The following GSPT1 variants were observed in gnomAD, a reference collection of about 807,000 sequenced individuals.
GSPT1 encodes the protein G1 to S phase transition 1, also known as eukaryotic peptide chain release factor GTP-binding subunit ERF3A.
GSPT1 carries 20 observed loss-of-function variants against 72.5 expected under a neutral mutation model. The ratio of observed to expected loss-of-function variants is 0.28; its 90% CI spans 0.19 to 0.40. The LOEUF is 0.40. GSPT1 is among the 10% of genes least tolerant of loss of function. GSPT1 has a pLI of 1.00. For synonymous variants in GSPT1, 334 were observed against 293.5 expected, an observed-to-expected ratio of 1.14 and a Z score of -1.41; for missense variants, 580 against 811.9, an observed-to-expected ratio of 0.71 and a Z score of 3.47.
At chr16:11,916,298 G>C (rs1025549207), upstream of GSPT1, among the ~76,000 whole-genome samples, 29 of 152,354 alleles carry the variant, frequency 1.9e-4, no homozygotes, top group African/African-American at 6.7e-4. Context: ...GGCAGGCCCT[G>C]GTTGGTGCAG....
intron 1 of GSPT1, among the ~76,000 whole-genome samples, chr16:11,902,366 G>A (rs118025509): frequency 0.027 from 3,382 of 125,900 alleles, 155 homozygotes; most frequent in Admixed American, 0.14. Flanking sequence ...TGGGTGACAC[G>A]ACTCTGTCTC....
In GSPT1 at chr16:11,886,778, T is replaced by G; in HGVS notation, c.1111A>C (p.Arg371=). 1 of 1,613,070 alleles carries G rather than the reference T, an allele frequency of 6.2e-7. No individual in the cohort carries two copies. Among genetic ancestry groups the G allele is most frequent in the Non-Finnish European group, 8.5e-7 (1 of 1,179,160 alleles). ...DDPTVNWSNE[R]YEECKEKLVP... ...AAAATACCAGACATCTACGCTCACC[T>G]CTCATTGCTCCAATTTACTGTTGGA... Residue 371 remains arginine, a splice_region_variant and synonymous_variant, in exon 8 of 15, where the codon AGA becomes CGA. Coordinates refer to ENST00000434724, the MANE Select transcript of GSPT1 (RefSeq NM_002094.4).
intron 5 of GSPT1, among the ~76,000 whole-genome samples, chr16:11,892,531 A>AAAAAT (rs1567443313): frequency 1.6e-4 from 22 of 139,938 alleles, no homozygotes; most frequent in African/African-American, 6.0e-4. Flanking sequence ...AACAAAAAAA[A>AAAAAT]CAAAAAATAA....
chr16:11,893,718 G>C (rs1051304257), intron 5 of GSPT1, among the ~76,000 whole-genome samples: 1 of 152,038 alleles, frequency 6.6e-6, no homozygotes, highest in African/African-American at 2.4e-5. Context: ...CAGCCCATCA[G>C]CAAAAAATAT....
chr16:11,884,781 A>T (rs1397042100), intron 10 of GSPT1, among the ~76,000 whole-genome samples: 5 of 124,298 alleles, frequency 4.0e-5, no homozygotes, highest in African/African-American at 1.6e-4. Context: ...AAAAAAAAAA[A>T]GAAGGCCAGG....
chr16:11,879,809 A>G (rs1403636597), intron 11 of GSPT1, among the ~76,000 whole-genome samples: 1 of 152,186 alleles, frequency 6.6e-6, no homozygotes, highest in African/African-American at 2.4e-5. Context: ...ATAAAATATC[A>G]AAGTAAAAAA....
chr16:11,876,501 G>A (rs995669500), intron 12 of GSPT1, among the ~76,000 whole-genome samples: 3 of 152,126 alleles, frequency 2.0e-5, no homozygotes, highest in Admixed American at 6.6e-5. Context: ...AGGCCGAGGC[G>A]GCAGGGGGGC....
chr16:11,904,676 T>C (rs2054466561), intron 1 of GSPT1, among the ~76,000 whole-genome samples: 1 of 152,032 alleles, frequency 6.6e-6, no homozygotes, highest in Non-Finnish European at 1.5e-5. Context: ...AAAAAAAAGC[T>C]ACGTTTTGAT....
At chr16:11,896,032 AT>A (rs1050011536) in intron 4 of GSPT1, among the ~76,000 whole-genome samples, 15 of 152,096 alleles carry the variant, frequency 9.9e-5, no homozygotes, top group South Asian at 2.1e-4. Flanking sequence ...ATAATTCTGT[AT>A]TTTTTTTCTC....
At chr16:11,907,360 T>C (rs1567451706) in intron 1 of GSPT1, among the ~76,000 whole-genome samples, 1 of 152,220 alleles carries the variant, frequency 6.6e-6, no homozygotes, top group African/African-American at 2.4e-5. Context: ...ACCTAAGTTA[T>C]TTAGCTTTAC....
intron 1 of GSPT1, 93 bp downstream of exon 1, chr16:11,915,276 C>A (rs1227724495): frequency 4.4e-5 from 53 of 1,217,470 alleles, no homozygotes; most frequent in Non-Finnish European, 4.9e-5. Flanking sequence ...ACGTGCCGAC[C>A]GGGCCCCAGG....
intron 1 of GSPT1, among the ~76,000 whole-genome samples, chr16:11,912,457 A>G (rs1036320823): frequency 5.9e-5 from 9 of 152,226 alleles, no homozygotes; most frequent in Admixed American, 5.2e-4. Flanking sequence ...AAGTTCCACA[A>G]TACAATCTGC....
intron 1 of GSPT1, chr16:11,915,046 G>A (rs1430400331): frequency 1.5e-6 from 2 of 1,291,090 alleles, no homozygotes; most frequent in East Asian, 1.1e-4. Context: ...GGGATCCGCC[G>A]CGGCCCCCAC....
intron 1 of GSPT1, among the ~76,000 whole-genome samples, chr16:11,911,381 G>A (rs905631218): frequency 6.6e-6 from 1 of 151,992 alleles, no homozygotes; most frequent in Non-Finnish European, 1.5e-5. Flanking sequence ...CCACTGAACT[G>A]TATGTACACT....
intron 10 of GSPT1, among the ~76,000 whole-genome samples, chr16:11,883,482 C>T (rs2054147737): frequency 2.5e-5 from 1 of 39,382 alleles, no homozygotes; most frequent in Admixed American, 2.5e-4. Context: ...AATTGCCAGG[C>T]ACGGTGGAAT....
rs1326246956 is a variant in GSPT1, at chr16:11,887,732, T to A, written c.795A>T (p.Leu265Phe). The change falls in exon 7 of 15, where the codon TTA becomes TTT. Residue 265 changes from leucine to phenylalanine, a missense_variant. Around this residue, in one of 6 missense-constraint regions of GSPT1, gnomAD observed 51 missense variants for 118.2 expected, o/e 0.43. Coordinates refer to ENST00000434724, the MANE Select transcript of GSPT1 (RefSeq NM_002094.4). The stretch of plus-strand genomic sequence containing the variant: ...TGTCTCGTTCTTCCTGATTTGTGTC[T>A]AAGGCCCAAGACAAGTACCTGAAAT... Reference protein sequence around the residue: ...NRETWYLSWALDTNQEERDKG... With the variant: ...NRETWYLSWAFDTNQEERDKG... The A allele has an allele frequency of 1.2e-6, 2 of 1,609,772 alleles. No individual in the cohort carries two copies. Among genetic ancestry groups the A allele is most frequent in the Non-Finnish European group, 1.7e-6 (2 of 1,177,490 alleles).
intron 1 of GSPT1, among the ~76,000 whole-genome samples, chr16:11,903,525 A>C (rs2054444531): frequency 6.6e-6 from 1 of 152,074 alleles, no homozygotes; most frequent in African/African-American, 2.4e-5. Context: ...AAAAAAATTA[A>C]ATAAAATAAA....
rs2053981967 is a variant in GSPT1 at position 11,871,715 on chromosome 16, A to C, written c.*1404T>G. The stretch of plus-strand genomic sequence containing the variant: ...AGTATCTTATTTAGAGAGAAATCAC[A>C]ATCTAAAAGAGGCTATCTTTGATCA... On this transcript the variant is annotated 3_prime_UTR_variant, in exon 15 of 15. Coordinates refer to ENST00000434724, the MANE Select transcript of GSPT1 (RefSeq NM_002094.4). The C allele has an allele frequency of 6.6e-6, 1 of 152,188 alleles. No homozygotes were observed. Among genetic ancestry groups the C allele is most frequent in the African/African-American group, 2.4e-5 (1 of 41,444 alleles). 9.4% of individuals were successfully genotyped at this position (152,188 alleles called of 1,614,324 possible).
rs759831099 is a variant in GSPT1, at chr16:11,915,480, G to A, written c.241C>T (p.His81Tyr). 1.9e-6 allele frequency: 3 copies of A among 1,552,120 alleles called. No homozygotes were observed. Among genetic ancestry groups the A allele is most frequent in the South Asian group, 1.2e-5 (1 of 84,820 alleles). The change falls in exon 1 of 15, where the codon CAC (histidine) becomes TAC (tyrosine). Residue 81 changes from histidine to tyrosine, a missense_variant. This residue lies in a region of GSPT1 where 327 missense variants were observed against 298.8 expected (regional missense o/e 1.09). Coordinates refer to ENST00000434724, the MANE Select transcript of GSPT1 (RefSeq NM_002094.4). ...AAGGACGGCACGAACTCGGCGGCGT[G>A]GACGTTGGGCACGAAGGGCTTGGCG... ...VNAKPFVPNV[H>Y]AAEFVPSFLR...
Sources: allele counts gnomAD v4.1 joint callset (sites outside exome capture counted in the v4.1 genomes callset), GRCh38; gene constraint gnomAD v4.1.1; regional missense constraint gnomAD v4.1.1; transcripts MANE v1.5; gene names NCBI Gene and HGNC (gene_info 2026-07-23, HGNC 2026-07-21).